FKTN: variants seen among roughly 807,000 people sequenced by gnomAD.
FKTN encodes the protein ribitol-5-phosphate transferase FKTN.
Under a neutral mutation model 58.6 loss-of-function variants are expected in FKTN, and 47 were observed. That is an observed-to-expected ratio of 0.80 (90% CI 0.63 to 1.02). FKTN has a LOEUF of 1.02. FKTN is among the 50% of genes least tolerant of loss of function. The pLI is 0.00. For synonymous variants in FKTN, 178 were observed against 191.9 expected (o/e 0.93, Z 0.60); for missense variants, 516 against 537.3 (o/e 0.96, Z 0.39).
intron 1 of FKTN, among the ~76,000 whole-genome samples, chr9:105,563,161 A>C (rs1174504932): frequency 6.6e-6 from 1 of 152,228 alleles, no homozygotes; most frequent in Non-Finnish European, 1.5e-5. Flanking sequence ...AGCTGAAAGA[A>C]TATGCAGTGG....
intron 3 of FKTN, among the ~76,000 whole-genome samples, chr9:105,585,582 C>T (rs1843759946): frequency 6.6e-6 from 1 of 152,176 alleles, no homozygotes; most frequent in South Asian, 2.1e-4. Flanking sequence ...CACTTACACG[C>T]AGCGTTTTTG....
Position 105,637,703 on chromosome 9 carries a change from A to C in FKTN, c.*2439A>C. The C allele has an allele frequency of 2.0e-6, 2 of 985,388 alleles. No individual in the cohort carries two copies. The highest frequency in any genetic ancestry group is 2.4e-6 in the Non-Finnish European group (2 of 829,922). 61.0% of individuals were successfully genotyped at this position (985,388 alleles called of 1,614,324 possible). On this transcript the variant is annotated 3_prime_UTR_variant, in exon 11 of 11. Coordinates refer to ENST00000357998, the MANE Select transcript of FKTN (RefSeq NM_001079802.2). ...ACCTGGCTTACCTGGGGAAGTTGAC[A>C]ACTTGTTGGTAGTTAGGCACCCATG...
intron 4 of FKTN, among the ~76,000 whole-genome samples, chr9:105,599,251 C>A (rs1422233161): frequency 6.6e-6 from 1 of 151,936 alleles, no homozygotes; most frequent in Non-Finnish European, 1.5e-5. Flanking sequence ...TAGTTTTTCA[C>A]TTTTTTCTGT....
In FKTN at chr9:105,638,521, C is replaced by G. The variant is rs949655435; in HGVS notation, c.*3257C>G. 7 of 985,286 alleles carry G rather than the reference C, an allele frequency of 7.1e-6. No homozygotes were observed. The South Asian group carries it at 2.8e-4, about 40-fold the overall frequency. The allele number at this position is 985,286 out of a possible 1,614,324, so 61.0% of individuals were successfully genotyped here. A position where few individuals can be genotyped will look rare whatever the true frequency, so the allele number is the denominator to read the frequency against. On this transcript the variant is annotated 3_prime_UTR_variant, in exon 11 of 11. Coordinates refer to ENST00000357998, the MANE Select transcript of FKTN (RefSeq NM_001079802.2). ...TTTACCATTCTATTTCCCAAGGGAA[C>G]CATCAGCACCAACCTGCTAAATGCC...
At chr9:105,563,140 TG>T (rs1298433382) in intron 1 of FKTN, among the ~76,000 whole-genome samples, 1 of 151,930 alleles carries the variant, frequency 6.6e-6, no homozygotes, top group Non-Finnish European at 1.5e-5. Context: ...CAAATGCAAA[TG>T]TAAAAAGGAA....
intron 4 of FKTN, chr9:105,598,715 TCTCTG>T (rs1767968179): frequency 6.6e-6 from 1 of 152,108 alleles, no homozygotes; most frequent in Non-Finnish European, 1.5e-5. Flanking sequence ...AGTTATAGAA[TCTCTG>T]CTTGACCCTG....
At chr9:105,591,279 A>G (rs532652044) in intron 3 of FKTN, among the ~76,000 whole-genome samples, 3 of 152,224 alleles carry the variant, frequency 2.0e-5, no homozygotes, top group South Asian at 4.2e-4. Context: ...CATTAACTCA[A>G]TAGTTCAAAG....
At chr9:105,570,102 A>G (rs1161912985) in intron 1 of FKTN, among the ~76,000 whole-genome samples, 1 of 152,074 alleles carries the variant, frequency 6.6e-6, no homozygotes, top group Non-Finnish European at 1.5e-5. Context: ...GGTTGGAACC[A>G]GATATGTGAG....
In FKTN at chr9:105,638,809, C is replaced by T; in HGVS notation, c.*3545C>T. The T allele has an allele frequency of 1.0e-6, 1 of 983,872 alleles. No individual in the cohort carries two copies. Among genetic ancestry groups the T allele is most frequent in the Non-Finnish European group, 1.2e-6 (1 of 828,660 alleles). The allele number at this position is 983,872 out of a possible 1,614,324, so 60.9% of individuals were successfully genotyped here. ...TGCAGGTAGTTAAGAATAGATTGTA[C>T]TCATTCCTTTTTGAGTTTGTGACCT... On this transcript the variant is annotated 3_prime_UTR_variant, in exon 11 of 11. Coordinates refer to ENST00000357998, the MANE Select transcript of FKTN (RefSeq NM_001079802.2).
chr9:105,631,914 CT>C (rs1220709669), intron 10 of FKTN, among the ~76,000 whole-genome samples: 1 of 150,644 alleles, frequency 6.6e-6, no homozygotes, highest in Non-Finnish European at 1.5e-5. Flanking sequence ...CATCCCATTA[CT>C]GGGTATATAC....
At chr9:105,586,605 C>A (rs1041214173) in intron 3 of FKTN, among the ~76,000 whole-genome samples, 11 of 152,178 alleles carry the variant, frequency 7.2e-5, no homozygotes, top group Non-Finnish European at 1.6e-4. Flanking sequence ...ATAGACATGG[C>A]AGCATCAATA....
At chr9:105,616,567 T>C (rs1338149945) in intron 8 of FKTN, among the ~76,000 whole-genome samples, 6 of 152,218 alleles carry the variant, frequency 3.9e-5, no homozygotes, top group African/African-American at 1.4e-4. Context: ...TAGAATTATT[T>C]AGAATCTTAA....
At chr9:105,626,232 A>G (rs1832722040) in intron 10 of FKTN, among the ~76,000 whole-genome samples, 1 of 152,146 alleles carries the variant, frequency 6.6e-6, no homozygotes, top group Admixed American at 6.5e-5. Flanking sequence ...GTACATGCTT[A>G]TCTTAGTTTG....
In FKTN at chr9:105,582,705, AT is replaced by A. The variant is rs568021059; in HGVS notation, c.105+7570del. ...CTGTGACATCTTCAACCCTTTCCTC[AT>A]TATTTTCTTAGGATAAAGTCCTAGA... On this transcript the variant is annotated intron_variant, in intron 3 of 10. Transcript: ENST00000357998. 3.2e-3 allele frequency among the ~76,000 whole-genome samples: 490 copies of A among 152,146 alleles called. 4 individuals carry two copies. The highest frequency in any genetic ancestry group is 4.8e-3 in the Non-Finnish European group (325 of 68,002).
chr9:105,583,876 A>C (rs1843451445), intron 3 of FKTN, among the ~76,000 whole-genome samples: 1 of 152,108 alleles, frequency 6.6e-6, no homozygotes, highest in African/African-American at 2.4e-5. Flanking sequence ...CATCTAACTT[A>C]CATTTTTCCA....
chr9:105,627,417 CT>C (rs1564345686), intron 10 of FKTN, among the ~76,000 whole-genome samples: 1 of 152,092 alleles, frequency 6.6e-6, no homozygotes, highest in African/African-American at 2.4e-5. Context: ...CTTGTACTAC[CT>C]TCTAGAAACT....
chr9:105,598,202 CTTT>C (rs1564276448), intron 4 of FKTN: 1 of 441,978 alleles, frequency 2.3e-6, no homozygotes, highest in East Asian at 7.2e-5. Context: ...TCTTTATACT[CTTT>C]TACATTGAGG....
chr9:105,583,998 C>G (rs1194914309), intron 3 of FKTN, among the ~76,000 whole-genome samples: 4 of 152,144 alleles, frequency 2.6e-5, no homozygotes, highest in African/African-American at 9.7e-5. Flanking sequence ...CAACCCTTTT[C>G]CCTTGGTGGC....
At chr9:105,572,620 A>G (rs536218978) in intron 1 of FKTN, among the ~76,000 whole-genome samples, 1 of 152,306 alleles carries the variant, frequency 6.6e-6, no homozygotes. Flanking sequence ...GTTTGGCAAC[A>G]TGAACTAGCA....
Sources: allele counts gnomAD v4.1 joint callset (sites outside exome capture counted in the v4.1 genomes callset), GRCh38; gene constraint gnomAD v4.1.1; transcripts MANE v1.5; gene names NCBI Gene and HGNC (gene_info 2026-07-23, HGNC 2026-07-21).